The following FHIP1A variants were observed in gnomAD, a reference collection of about 807,000 sequenced individuals.
FHIP1A encodes the protein FHF complex subunit HOOK-interacting protein 1A.
FHIP1A carries 61 observed loss-of-function variants against 88.6 expected under a neutral mutation model. The observed-to-expected ratio is 0.69, with a 90% CI of 0.56 to 0.85. The LOEUF (loss-of-function observed/expected upper bound fraction) is 0.85, where lower values mean the gene tolerates loss of function less well. FHIP1A is among the 40% of genes least tolerant of loss of function. The pLI is 0.00. For synonymous variants in FHIP1A, 478 were observed against 496.0 expected (o/e 0.96, Z 0.48); for missense variants, 1,154 against 1,273.5 (o/e 0.91, Z 1.43).
At chr4:151,529,743 G>T (rs967201543) in intron 3 of FHIP1A, among the ~76,000 whole-genome samples, 3 of 152,192 alleles carry the variant, frequency 2.0e-5, no homozygotes, top group African/African-American at 7.2e-5. Flanking sequence ...TAGAAGGATG[G>T]AGGTTATCCC....
intron 9 of FHIP1A, among the ~76,000 whole-genome samples, chr4:151,644,513 G>A (rs562586598): frequency 6.6e-5 from 10 of 151,780 alleles, no homozygotes; most frequent in Non-Finnish European, 8.8e-5. Context: ...CACTACACCC[G>A]GCTAACTCTT....
chr4:151,577,592 C>G lies in FHIP1A; in HGVS notation c.248C>G (p.Ala83Gly), dbSNP rs369409832. 1 of 1,551,920 alleles carries G rather than the reference C, an allele frequency of 6.4e-7. No individual in the cohort carries two copies. Among genetic ancestry groups the G allele is most frequent in the Non-Finnish European group, 8.7e-7 (1 of 1,147,024 alleles). The part of the protein sequence containing the change: ...FLLIEEQAKD[A>G]AMGPILEFVV... ...TTGATTGAAGAGCAAGCCAAAGATG[C>G]TGCAATGGGGCCGATTCTGGAATTT... Residue 83 changes from alanine (A) to glycine (G), a missense_variant, in exon 5 of 14, where the codon GCT becomes GGT. Ala to Gly is a moderately conservative substitution (Grantham distance 60). Transcript: ENST00000435205.
At chr4:151,445,465 G>A (rs762895348) in intron 1 of FHIP1A, among the ~76,000 whole-genome samples, 9 of 151,888 alleles carry the variant, frequency 5.9e-5, no homozygotes, top group African/African-American at 2.2e-4. Flanking sequence ...AAGGTGGAGT[G>A]GGGGGGTGGA....
intron 8 of FHIP1A, among the ~76,000 whole-genome samples, chr4:151,636,904 C>T (rs976856337): frequency 3.9e-5 from 6 of 152,056 alleles, no homozygotes; most frequent in South Asian, 2.1e-4. Flanking sequence ...GAGGACTCAC[C>T]GTACCTGGTT....
At chr4:151,482,163 A>G (rs1729918038) in intron 2 of FHIP1A, among the ~76,000 whole-genome samples, 1 of 152,096 alleles carries the variant, frequency 6.6e-6, no homozygotes, top group South Asian at 2.1e-4. Context: ...GCTATTTTAT[A>G]TTATGCTATC....
intron 1 of FHIP1A, among the ~76,000 whole-genome samples, chr4:151,453,220 T>G (rs1728856947): frequency 1.3e-5 from 2 of 152,148 alleles, no homozygotes; most frequent in Non-Finnish European, 1.5e-5. Flanking sequence ...TTCACCATGT[T>G]GGCCAGGCTG....
intron 7 of FHIP1A, among the ~76,000 whole-genome samples, chr4:151,626,589 A>G (rs1735959825): frequency 6.6e-6 from 1 of 152,216 alleles, no homozygotes. Context: ...GTATGAAATA[A>G]CATTCTTAAG....
At chr4:151,506,604 A>T (rs1730846239) in intron 3 of FHIP1A, among the ~76,000 whole-genome samples, 1 of 152,100 alleles carries the variant, frequency 6.6e-6, no homozygotes, top group Admixed American at 6.5e-5. Context: ...GAGAGAGGGG[A>T]GGGAGTACCG....
intron 2 of FHIP1A, among the ~76,000 whole-genome samples, chr4:151,466,508 A>G (rs1047193677): frequency 4.6e-5 from 7 of 152,214 alleles, no homozygotes. Context: ...ACCAAAAATG[A>G]GCTCATATAG....
intron 8 of FHIP1A, 50 bp downstream of exon 8, chr4:151,629,919 GGA>G (rs1444579580): frequency 7.0e-7 from 1 of 1,425,676 alleles, no homozygotes; most frequent in African/African-American, 1.5e-5. Context: ...ACAGATTTCA[GGA>G]GAGTTTTTTT....
In FHIP1A at chr4:151,629,721, T is replaced by C. The variant is rs772794120; in HGVS notation, c.998T>C (p.Met333Thr). The stretch of plus-strand genomic sequence containing the variant: ...TCCTAGGTGACTGTGGAAGAGGTCA[T>C]GACCACAACTGCATATCTGGACCTT... ...ALHKVTVEEVMTTTAYLDLFL... is the reference protein window; with the variant it reads ...ALHKVTVEEVTTTTAYLDLFL... Residue 333 changes from methionine to threonine, a missense_variant, in exon 8 of 14, where the codon ATG becomes ACG. Physicochemically the swap from Met to Thr is moderately conservative, Grantham distance 81. Coordinates refer to ENST00000435205, the MANE Select transcript of FHIP1A (RefSeq NM_001109977.3). 1 of 1,551,268 alleles carries C rather than the reference T, an allele frequency of 6.4e-7. No homozygotes were observed. The highest frequency in any genetic ancestry group is 1.2e-5 in the South Asian group (1 of 84,044).
At chr4:151,424,891 T>G (rs1254391510) in intron 1 of FHIP1A, among the ~76,000 whole-genome samples, 2 of 151,696 alleles carry the variant, frequency 1.3e-5, no homozygotes, top group Non-Finnish European at 2.9e-5. Context: ...TTCCAGTTAA[T>G]AAACGCAAAA....
chr4:151,603,860 G>C (rs895482162), intron 7 of FHIP1A, among the ~76,000 whole-genome samples: 23 of 151,912 alleles, frequency 1.5e-4, no homozygotes, highest in African/African-American at 5.6e-4. Context: ...TGTCACTCTG[G>C]GTCTTCATCT....
chr4:151,485,312 A>G (rs1453290303), intron 3 of FHIP1A, among the ~76,000 whole-genome samples: 9 of 83,768 alleles, frequency 1.1e-4, no homozygotes, highest in African/African-American at 3.8e-4. Context: ...TGTCTGTTCT[A>G]ATTGACCAGA....
At chr4:151,631,230 A>G (rs562146621) in intron 8 of FHIP1A, among the ~76,000 whole-genome samples, 1 of 152,206 alleles carries the variant, frequency 6.6e-6, no homozygotes, top group East Asian at 1.9e-4. Context: ...AGATTCACAA[A>G]CCTTTAGCTA....
intron 8 of FHIP1A, among the ~76,000 whole-genome samples, chr4:151,635,566 T>A (rs1231106864): frequency 6.6e-6 from 1 of 151,636 alleles, no homozygotes; most frequent in Non-Finnish European, 1.5e-5. Flanking sequence ...AAGAAGGAAA[T>A]CTTGTCATAT....
At chr4:151,426,105 CG>C (rs1268732731) in intron 1 of FHIP1A, among the ~76,000 whole-genome samples, 1 of 151,950 alleles carries the variant, frequency 6.6e-6, no homozygotes, top group Non-Finnish European at 1.5e-5. Context: ...AAAAAACAAG[CG>C]GGGCGGAGAG....
chr4:151,638,745 G>A lies in FHIP1A; in HGVS notation c.1215G>A (p.Gln405=), dbSNP rs1736460723. Residue 405 remains glutamine (Q), a synonymous_variant, in exon 9 of 14, where the codon CAG becomes CAA. Transcript: ENST00000435205. ...TACATTGTGAAGATGTGATGTTACA[G>A]CTAGTTCTAAGGTGAGTTGCCTTTT... The part of the protein sequence containing the change: ...IGLHCEDVML[Q]LVLRYLIPCN... 1 of 1,546,734 alleles carries A rather than the reference G, an allele frequency of 6.5e-7. No individual in the cohort carries two copies. Among genetic ancestry groups the A allele is most frequent in the South Asian group, 1.2e-5 (1 of 83,586 alleles).
At chr4:151,480,149 A>C (rs1729841838) in intron 2 of FHIP1A, among the ~76,000 whole-genome samples, 1 of 151,966 alleles carries the variant, frequency 6.6e-6, no homozygotes, top group African/African-American at 2.4e-5. Context: ...ATTCCACTTA[A>C]CCTTGCTTTC....
Sources: gnomAD v4.1 joint callset for allele counts (sites outside exome capture counted in the v4.1 genomes callset) on GRCh38, gnomAD v4.1.1 for gene constraint, MANE v1.5 for transcripts, NCBI Gene and HGNC (gene_info 2026-07-23, HGNC 2026-07-21) for gene names.